The following DNAH11 variants were observed in gnomAD, a reference collection of about 807,000 sequenced individuals.
The protein encoded by DNAH11 is axonemal beta dynein heavy chain 11.
A neutral mutation model predicts 526.0 loss-of-function variants in DNAH11; 442 were observed. The ratio of observed to expected loss-of-function variants is 0.84; its 90% CI spans 0.78 to 0.91. DNAH11 has a LOEUF of 0.91. DNAH11 is among the 40% of genes least tolerant of loss of function. The pLI, the probability that DNAH11 is intolerant of heterozygous loss-of-function variation, is 0.00. For missense variants in DNAH11, 6,989 were observed against 5,448.7 expected, an observed-to-expected ratio of 1.28 and a Z score of -8.90; for synonymous variants, 2,461 against 1,935.9, an observed-to-expected ratio of 1.27 and a Z score of -7.12.
intron 30 of DNAH11, among the ~76,000 whole-genome samples, chr7:21,660,843 ATTATT>A (rs923558961): frequency 3.9e-5 from 6 of 152,020 alleles, no homozygotes; most frequent in Admixed American, 1.3e-4. Context: ...CATTTATTTG[ATTATT>A]TTATATTTTC....
chr7:21,628,210 C>G (rs184497200), intron 25 of DNAH11, among the ~76,000 whole-genome samples: 161 of 151,606 alleles, frequency 1.1e-3, no homozygotes, highest in African/African-American at 3.6e-3. Flanking sequence ...TTAGGTTTTT[C>G]TAAGTACAAG....
intron 54 of DNAH11, among the ~76,000 whole-genome samples, chr7:21,751,879 C>G (rs1346584021): frequency 1.3e-5 from 2 of 152,250 alleles, no homozygotes; most frequent in African/African-American, 2.4e-5. Flanking sequence ...TCTTCCTGTT[C>G]CATGGTGATA....
chr7:21,818,505 A>G (rs1789914600), intron 65 of DNAH11, among the ~76,000 whole-genome samples, 166 bp downstream of exon 65: 1 of 152,140 alleles, frequency 6.6e-6, no homozygotes. Context: ...CATTATCCAG[A>G]CTTTCAGACT....
chr7:21,635,978 G>A lies in DNAH11; in HGVS notation c.4608G>A (p.Trp1536Ter). The A allele has an allele frequency of 6.2e-7, 1 of 1,613,684 alleles. No individual in the cohort carries two copies. Among genetic ancestry groups the A allele is most frequent in the Non-Finnish European group, 8.5e-7 (1 of 1,179,758 alleles). Residue 1536 changes from tryptophan to a stop codon, truncating the protein, a stop_gained, in exon 26 of 82, where the codon TGG (tryptophan) becomes TGA (stop). Coordinates refer to ENST00000409508, the MANE Select transcript of DNAH11 (RefSeq NM_001277115.2). LOFTEE classifies it high-confidence loss of function. ...LNIADLVIFTWMEVQRTWSHL... is the reference protein window; with the variant it reads ...LNIADLVIFT ...TAGCAGACTTGGTCATCTTCACTTG[G>A]ATGGAAGTCCAGCGAACTTGGTCTC...
At chr7:21,885,176 A>G (rs996767704) in intron 76 of DNAH11, among the ~76,000 whole-genome samples, 1 of 147,540 alleles carries the variant, frequency 6.8e-6, no homozygotes, top group African/African-American at 2.5e-5. Context: ...AACTATAAAA[A>G]AAAAAAAAAA....
chr7:21,819,101 C>T (rs775189419), intron 65 of DNAH11, among the ~76,000 whole-genome samples: 1 of 152,154 alleles, frequency 6.6e-6, no homozygotes. Context: ...TCAAGAGACT[C>T]CTTATGCCTC....
At chr7:21,849,029 G>A (rs1461183528) in intron 66 of DNAH11, among the ~76,000 whole-genome samples, 2 of 152,116 alleles carry the variant, frequency 1.3e-5, no homozygotes, top group African/African-American at 4.8e-5. Context: ...GGGATTACAG[G>A]CATGTACCGC....
At chr7:21,620,835 A>G (rs1786012956) in intron 25 of DNAH11, among the ~76,000 whole-genome samples, 1 of 149,896 alleles carries the variant, frequency 6.7e-6, no homozygotes, top group African/African-American at 2.5e-5. Context: ...TGTTCTTGTG[A>G]TAGTTTACTG....
At chr7:21,824,765 C>T (rs936624769) in intron 65 of DNAH11, among the ~76,000 whole-genome samples, 1 of 152,128 alleles carries the variant, frequency 6.6e-6, no homozygotes, top group South Asian at 2.1e-4. Context: ...TATAAAAATA[C>T]CATTATGGTG....
rs780377487 is a variant in DNAH11 at position 21,601,214 on chromosome 7, T to A, written c.3425+35T>A. On this transcript the variant is annotated intron_variant, in intron 17 of 81. Coordinates refer to ENST00000409508, the MANE Select transcript of DNAH11 (RefSeq NM_001277115.2). The stretch of plus-strand genomic sequence containing the variant: ...TACTTTGGTTTTTGGAATTATAACT[T>A]TCTAAACTGCTTTCTAAAACTGAGA... 2.3e-5 allele frequency: 36 copies of A among 1,565,712 alleles called. No homozygotes were observed. In the African/African-American group the frequency reaches 3.6e-4, roughly 16 times the overall value.
In DNAH11 at chr7:21,722,587, T is replaced by C. The variant is rs538336172; in HGVS notation, c.7266+1731T>C. ...CATGCCTATTATTATAATAATATAG[T>C]TGGAATTCACTTGGCCTCCTAGATC... On this transcript the variant is annotated intron_variant, in intron 44 of 81. Coordinates refer to ENST00000409508, the MANE Select transcript of DNAH11 (RefSeq NM_001277115.2). Among the ~76,000 whole-genome samples the C allele has an allele frequency of 3.9e-5, 6 of 152,276 alleles. No homozygotes were observed. In the South Asian group the frequency reaches 1.2e-3, roughly 32 times the overall value.
intron 30 of DNAH11, among the ~76,000 whole-genome samples, chr7:21,671,774 T>C (rs980363637): frequency 2.0e-5 from 3 of 152,236 alleles, no homozygotes; most frequent in Non-Finnish European, 4.4e-5. Flanking sequence ...TTTTCTAATA[T>C]AAGCATTTAA....
At chr7:21,789,375 C>G in intron 61 of DNAH11, 33 bp downstream of exon 61, 1 of 1,482,636 alleles carries the variant, frequency 6.7e-7, no homozygotes, top group Non-Finnish European at 9.2e-7. Flanking sequence ...AAAAGGTTCC[C>G]AAGAGGTGGT....
rs1162742363 is a variant in DNAH11 at position 21,861,906 on chromosome 7, C to T, written c.11256C>T (p.Asp3752=). ...RAIEQADKVE[D]MQGRISILME... ...TCGAGCAGGCTGACAAGGTGGAAGA[C>T]ATGCAGGGACGCATCTCTATCCTGA... The change falls in exon 69 of 82, where the codon GAC becomes GAT. Residue 3752 remains aspartate, a synonymous_variant. Transcript: ENST00000409508. The T allele has an allele frequency of 1.9e-6, 3 of 1,613,576 alleles. No homozygotes were observed. The highest frequency in any genetic ancestry group is 2.2e-5 in the East Asian group (1 of 44,846).
chr7:21,629,852 T>C (rs1786520534), intron 25 of DNAH11, among the ~76,000 whole-genome samples: 1 of 152,128 alleles, frequency 6.6e-6, no homozygotes, highest in African/African-American at 2.4e-5. Context: ...TGTATAGTTC[T>C]GTTATGTTTC....
intron 30 of DNAH11, among the ~76,000 whole-genome samples, chr7:21,672,850 G>A (rs1782700339): frequency 6.6e-6 from 1 of 152,166 alleles, no homozygotes; most frequent in Non-Finnish European, 1.5e-5. Flanking sequence ...CCACCACTAT[G>A]TATCAGGAAC....
rs1467334392 is a variant in DNAH11, at chr7:21,591,474, A to G, written c.2564A>G (p.His855Arg). The G allele has an allele frequency of 6.2e-7, 1 of 1,613,884 alleles. No individual in the cohort carries two copies. Among genetic ancestry groups the G allele is most frequent in the Non-Finnish European group, 8.5e-7 (1 of 1,179,782 alleles). ...TGCGTGCTACCTCCCAGGAGAGAGC[A>G]CAGACGAGAGGCAGCCTTCACCTTG... ...ARCVLPPRREHRREAAFTLED... is the reference protein window; with the variant it reads ...ARCVLPPRRERRREAAFTLED... Residue 855 changes from histidine to arginine, a missense_variant, in exon 14 of 82, where the codon CAC becomes CGC. Physicochemically the swap from His to Arg is conservative, Grantham distance 29. Coordinates refer to ENST00000409508, the MANE Select transcript of DNAH11 (RefSeq NM_001277115.2).
chr7:21,725,516 T>C (rs2128485531), intron 44 of DNAH11, among the ~76,000 whole-genome samples: 1 of 152,336 alleles, frequency 6.6e-6, no homozygotes, highest in South Asian at 2.1e-4. Context: ...TTTCCCATTT[T>C]CCCATAAATT....
At position 21,690,820 on chromosome 7, in the gene DNAH11, A is replaced by G. The variant is rs1202239501; in HGVS notation, c.5980A>G (p.Thr1994Ala). ...GAAGCCATCAGTTGGAATATTTATT[A>G]CTATGAACCCGGGTTATGCTGGTCG... ...TLKPSVGIFI[T>A]MNPGYAGRTE... is the part of the protein sequence containing the mutation. Residue 1994 changes from threonine (T) to alanine (A), a missense_variant, in exon 35 of 82, where the codon ACT (threonine) becomes GCT (alanine). Physicochemically the swap from Thr to Ala is moderately conservative, Grantham distance 58. Transcript: ENST00000409508. The G allele has an allele frequency of 2.5e-6, 4 of 1,612,878 alleles. No individual in the cohort carries two copies. Among genetic ancestry groups the G allele is most frequent in the South Asian group, 2.2e-5 (2 of 90,658 alleles).
Sources: allele counts gnomAD v4.1 joint callset (sites outside exome capture counted in the v4.1 genomes callset), GRCh38; gene constraint gnomAD v4.1.1; transcripts MANE v1.5; gene names NCBI Gene and HGNC (gene_info 2026-07-23, HGNC 2026-07-21).